Variants in CHRM3 observed in about 807,000 individuals in gnomAD.
CHRM3 encodes cholinergic receptor muscarinic 3.
Under a neutral mutation model 41.8 loss-of-function variants are expected in CHRM3, and 11 were observed. That is an observed-to-expected ratio of 0.26 (90% confidence interval 0.17 to 0.44). CHRM3 has a LOEUF of 0.44. CHRM3 is among the 20% of genes least tolerant of loss of function. The probability of loss-of-function intolerance (pLI) is 1.00; values close to 1 mark genes in which losing one functional copy is unlikely to be tolerated. For synonymous variants in CHRM3, 297 were observed against 301.4 expected, an observed-to-expected ratio of 0.99 and a Z score of 0.15; for missense variants, 571 against 745.4, an observed-to-expected ratio of 0.77 and a Z score of 2.72.
At chr1:239,673,562 G>A (rs778616507) in intron 4 of CHRM3, among the ~76,000 whole-genome samples, 12 of 152,070 alleles carry the variant, frequency 7.9e-5, no homozygotes, top group African/African-American at 1.4e-4. Flanking sequence ...TTCATTCAAC[G>A]TATATTTTAA....
chr1:239,534,208 A>G (rs142178410), intron 2 of CHRM3, among the ~76,000 whole-genome samples: 6,621 of 152,246 alleles, frequency 0.043, 162 homozygotes, highest in Middle Eastern at 0.058. Flanking sequence ...GATGCCTGTA[A>G]TGCCAGTTAC....
chr1:239,790,505 C>A (rs1455082129), intron 5 of CHRM3, among the ~76,000 whole-genome samples: 1 of 152,224 alleles, frequency 6.6e-6, no homozygotes, highest in African/African-American at 2.4e-5. Context: ...CCATGTAAGA[C>A]ATGACTTTGC....
At chr1:239,636,277 C>T (rs1670457737) in intron 4 of CHRM3, among the ~76,000 whole-genome samples, 1 of 152,110 alleles carries the variant, frequency 6.6e-6, no homozygotes, top group Non-Finnish European at 1.5e-5. Flanking sequence ...CCCTTGATGC[C>T]AGTATTTAAT....
chr1:239,558,055 C>T (rs1048113534), intron 3 of CHRM3, among the ~76,000 whole-genome samples: 7 of 152,176 alleles, frequency 4.6e-5, no homozygotes, highest in African/African-American at 1.7e-4. Context: ...TCTGAGGAAT[C>T]ACCAGATGTC....
chr1:239,814,154 C>T (rs1439755216), intron 5 of CHRM3, among the ~76,000 whole-genome samples: 1 of 152,118 alleles, frequency 6.6e-6, no homozygotes, highest in Non-Finnish European at 1.5e-5. Flanking sequence ...TTTTAGGTGT[C>T]CCTGGACGAG....
At chr1:239,905,892 T>A (rs1194024507) in intron 6 of CHRM3, among the ~76,000 whole-genome samples, 1 of 152,196 alleles carries the variant, frequency 6.6e-6, no homozygotes, top group African/African-American at 2.4e-5. Flanking sequence ...CAGATACTCA[T>A]ATAGCATTTA....
intron 6 of CHRM3, among the ~76,000 whole-genome samples, chr1:239,864,448 G>A (rs918051572): frequency 3.3e-5 from 5 of 151,824 alleles, no homozygotes; most frequent in African/African-American, 7.3e-5. Context: ...CGGAGGTTGC[G>A]GTGAGCCGAG....
intron 6 of CHRM3, among the ~76,000 whole-genome samples, chr1:239,878,719 G>A (rs755016357): frequency 2.6e-5 from 4 of 152,010 alleles, no homozygotes; most frequent in Non-Finnish European, 5.9e-5. Flanking sequence ...GAGGGCAAAG[G>A]GGATGATTAA....
At chr1:239,557,545 G>C (rs913492499) in intron 3 of CHRM3, among the ~76,000 whole-genome samples, 2 of 152,202 alleles carry the variant, frequency 1.3e-5, no homozygotes, top group South Asian at 2.1e-4. Flanking sequence ...GGGTAAATGC[G>C]TGGCATGGTG....
At chr1:239,859,932 GA>G (rs1422470739) in intron 6 of CHRM3, among the ~76,000 whole-genome samples, 3 of 150,822 alleles carry the variant, frequency 2.0e-5, no homozygotes, top group African/African-American at 7.3e-5. Context: ...AAACCAAAGA[GA>G]ACAAGCATGT....
intron 1 of CHRM3, among the ~76,000 whole-genome samples, chr1:239,485,962 T>A (rs1016508053): frequency 6.6e-6 from 1 of 152,188 alleles, no homozygotes; most frequent in Non-Finnish European, 1.5e-5. Flanking sequence ...CCTTTCTGTC[T>A]CCACCAAGCA....
intron 1 of CHRM3, among the ~76,000 whole-genome samples, chr1:239,461,284 C>T (rs1208549850): frequency 3.9e-5 from 6 of 152,148 alleles, no homozygotes; most frequent in African/African-American, 1.4e-4. Context: ...ATAATGAAGG[C>T]ATTATAACTT....
intron 3 of CHRM3, among the ~76,000 whole-genome samples, chr1:239,592,892 G>A (rs1344206981): frequency 1.3e-5 from 2 of 151,978 alleles, no homozygotes; most frequent in Non-Finnish European, 2.9e-5. Flanking sequence ...TTTCACACTT[G>A]TTCTTTTTTG....
At chr1:239,825,202 G>A (rs774372132) in intron 5 of CHRM3, among the ~76,000 whole-genome samples, 2 of 152,108 alleles carry the variant, frequency 1.3e-5, no homozygotes, top group Non-Finnish European at 2.9e-5. Context: ...ATGGTCATTC[G>A]TATTTTATAT....
chr1:239,809,559 A>C (rs546001156), intron 5 of CHRM3, among the ~76,000 whole-genome samples: 1 of 152,044 alleles, frequency 6.6e-6, no homozygotes, highest in East Asian at 2.0e-4. Flanking sequence ...GTGCAGTGAC[A>C]TGATCACAGC....
intron 5 of CHRM3, among the ~76,000 whole-genome samples, chr1:239,722,987 A>G (rs1180801803): frequency 3.9e-5 from 6 of 151,962 alleles, no homozygotes; most frequent in African/African-American, 1.4e-4. Flanking sequence ...CAAAAATTCC[A>G]TGTTGATGCA....
intron 5 of CHRM3, among the ~76,000 whole-genome samples, chr1:239,686,803 C>T (rs967781113): frequency 6.6e-6 from 1 of 152,306 alleles, no homozygotes; most frequent in Non-Finnish European, 1.5e-5. Context: ...GCTCCACATT[C>T]TGGAGCATTC....
At chr1:239,762,615 G>A (rs767580190) in intron 5 of CHRM3, among the ~76,000 whole-genome samples, 2 of 152,058 alleles carry the variant, frequency 1.3e-5, no homozygotes, top group Non-Finnish European at 2.9e-5. Flanking sequence ...GTAGTTTTCT[G>A]TATAATTTTA....
In CHRM3 at chr1:239,564,055, A is replaced by G. The variant is rs564655334; in HGVS notation, c.-313+18306A>G. On this transcript the variant is annotated intron_variant, in intron 3 of 6. Transcript: ENST00000676153. ...GTTTCCGAGATTCTTTAATGAGACA[A>G]TGTGTGTATTTCTAACTTTGGTTAC... Among the ~76,000 whole-genome samples, 12 of 152,310 alleles carry G rather than the reference A, an allele frequency of 7.9e-5. No individual in the cohort carries two copies. In the East Asian group the frequency reaches 1.2e-3, roughly 15 times the overall value.
Sources: gnomAD v4.1 joint callset for allele counts (sites outside exome capture counted in the v4.1 genomes callset) on GRCh38, gnomAD v4.1.1 for gene constraint, MANE v1.5 for transcripts, NCBI Gene and HGNC (gene_info 2026-07-23, HGNC 2026-07-21) for gene names.